The following ATXN1 variants were observed in gnomAD, a reference collection of about 807,000 sequenced individuals.
ATXN1 encodes ataxin-1.
ATXN1 carries 8 observed loss-of-function variants against 56.4 expected under a neutral mutation model. The observed-to-expected ratio is 0.14, with a 90% CI of 0.08 to 0.26. The LOEUF is 0.26. Ranked by LOEUF, ATXN1 falls within the 10% of genes least tolerant of loss-of-function variation. The pLI, the probability that ATXN1 is intolerant of heterozygous loss-of-function variation, is 1.00. For missense variants in ATXN1, 987 were observed against 1,106.5 expected, an observed-to-expected ratio of 0.89 and a Z score of 1.53; for synonymous variants, 514 against 494.6, an observed-to-expected ratio of 1.04 and a Z score of -0.52.
At chr6:16,545,651 G>C (rs557740831) in intron 4 of ATXN1, among the ~76,000 whole-genome samples, 1 of 152,190 alleles carries the variant, frequency 6.6e-6, no homozygotes, top group Non-Finnish European at 1.5e-5. Flanking sequence ...GCTAACAAGA[G>C]AACACTGGAA....
At chr6:16,574,771 C>T (rs1389281090) in intron 4 of ATXN1, among the ~76,000 whole-genome samples, 1 of 151,548 alleles carries the variant, frequency 6.6e-6, no homozygotes, top group Non-Finnish European at 1.5e-5. Flanking sequence ...CACGACTACT[C>T]AACAAACCGT....
chr6:16,301,901 T>A lies in ATXN1; in HGVS notation c.*4428A>T, dbSNP rs1034053223. 3.3e-5 allele frequency: 5 copies of A among 152,786 alleles called. No homozygotes were observed. Among genetic ancestry groups the A allele is most frequent in the African/African-American group, 1.2e-4 (5 of 41,462 alleles). 9.5% of individuals were successfully genotyped at this position (152,786 alleles called of 1,614,324 possible). ...TCTCTATGAAAGAAATAGGTTTCCTTAGTAGTCACAGATGTTAAAGGGTAT... is the reference window on the plus strand; with the variant it reads ...TCTCTATGAAAGAAATAGGTTTCCTAAGTAGTCACAGATGTTAAAGGGTAT... On this transcript the variant is annotated 3_prime_UTR_variant, in exon 8 of 8. Coordinates refer to ENST00000436367, the MANE Select transcript of ATXN1 (RefSeq NM_001128164.2).
At chr6:16,536,285 A>G (rs1761595514) in intron 4 of ATXN1, among the ~76,000 whole-genome samples, 1 of 152,212 alleles carries the variant, frequency 6.6e-6, no homozygotes, top group Non-Finnish European at 1.5e-5. Context: ...ACTAAAGCCA[A>G]TATTTTATTT....
At chr6:16,642,957 G>T (rs1763733090) in intron 3 of ATXN1, among the ~76,000 whole-genome samples, 1 of 152,132 alleles carries the variant, frequency 6.6e-6, no homozygotes, top group Non-Finnish European at 1.5e-5. Flanking sequence ...TACTGCTGTG[G>T]TCTATAAGTG....
At chr6:16,307,156 A>C (rs1224151324) in intron 7 of ATXN1, among the ~76,000 whole-genome samples, 1 of 152,238 alleles carries the variant, frequency 6.6e-6, no homozygotes, top group Non-Finnish European at 1.5e-5. Context: ...TGTTAGAACC[A>C]GTCAATCGAA....
At chr6:16,493,866 T>G (rs1023621828) in intron 5 of ATXN1, among the ~76,000 whole-genome samples, 3 of 152,190 alleles carry the variant, frequency 2.0e-5, no homozygotes, top group African/African-American at 7.2e-5. Context: ...CACAACAGCC[T>G]CTTTTTCCAA....
Position 16,347,935 on chromosome 6 carries a change from G to A in ATXN1, c.-160-19465C>T, listed in dbSNP as rs192446771. 5.6e-4 allele frequency among the ~76,000 whole-genome samples: 86 copies of A among 152,284 alleles called. 1 individual carries two copies. Among genetic ancestry groups the A allele is most frequent in the Admixed American group, 2.4e-3 (36 of 15,296 alleles). On this transcript the variant is annotated intron_variant, in intron 6 of 7. Transcript: ENST00000436367. ...GCTGTTCACTCTTTGGATCTATACT[G>A]CCTGTATGAGCTATAACACTCACCG...
At chr6:16,424,175 C>G (rs982746873) in intron 6 of ATXN1, among the ~76,000 whole-genome samples, 1 of 152,172 alleles carries the variant, frequency 6.6e-6, no homozygotes, top group Non-Finnish European at 1.5e-5. Context: ...CGGCCTGGAT[C>G]TGCCTTCTGA....
At chr6:16,365,433 C>A (rs1445165079) in intron 6 of ATXN1, among the ~76,000 whole-genome samples, 5 of 152,240 alleles carry the variant, frequency 3.3e-5, no homozygotes, top group Admixed American at 2.0e-4. Flanking sequence ...CCACATTGGC[C>A]TCCCAAAGTG....
chr6:16,519,573 C>T (rs1761247499), intron 5 of ATXN1, among the ~76,000 whole-genome samples: 1 of 152,206 alleles, frequency 6.6e-6, no homozygotes, highest in African/African-American at 2.4e-5. Context: ...AATGAGCACT[C>T]TGTTTCCCTG....
intron 6 of ATXN1, among the ~76,000 whole-genome samples, chr6:16,423,809 T>C (rs1759084946): frequency 6.6e-6 from 1 of 152,220 alleles, no homozygotes; most frequent in Admixed American, 6.5e-5. Context: ...TGCATACACA[T>C]GCAGGACTAT....
chr6:16,565,548 T>C (rs1047938368), intron 4 of ATXN1, among the ~76,000 whole-genome samples: 2 of 152,172 alleles, frequency 1.3e-5, no homozygotes, highest in African/African-American at 4.8e-5. Flanking sequence ...ATTTATTCAT[T>C]TGCAAAAATA....
At chr6:16,357,253 T>C (rs1761706038) in intron 6 of ATXN1, among the ~76,000 whole-genome samples, 1 of 142,516 alleles carries the variant, frequency 7.0e-6, no homozygotes, top group Admixed American at 7.0e-5. Context: ...TTTTATTTTA[T>C]TTTATTTATT....
chr6:16,536,900 T>C (rs916632506), intron 4 of ATXN1, among the ~76,000 whole-genome samples: 2 of 152,248 alleles, frequency 1.3e-5, no homozygotes, highest in African/African-American at 4.8e-5. Flanking sequence ...TGGTCAAAGA[T>C]ACATCATTAT....
At chr6:16,619,180 G>A (rs1036524245) in intron 3 of ATXN1, among the ~76,000 whole-genome samples, 2 of 151,574 alleles carry the variant, frequency 1.3e-5, no homozygotes, top group East Asian at 1.9e-4. Context: ...ACACATGAAC[G>A]TTCTTTGTCA....
intron 2 of ATXN1, among the ~76,000 whole-genome samples, chr6:16,700,405 C>T (rs1484855181): frequency 1.3e-5 from 2 of 152,146 alleles, no homozygotes; most frequent in African/African-American, 4.8e-5. Flanking sequence ...CTGCAACCCC[C>T]ACCAGCCGAC....
intron 6 of ATXN1, among the ~76,000 whole-genome samples, chr6:16,435,393 C>T (rs573031593): frequency 9.0e-4 from 137 of 151,974 alleles, no homozygotes; most frequent in Non-Finnish European, 7.4e-5. Flanking sequence ...AGAGACTAAG[C>T]CATGAGGAAC....
intron 2 of ATXN1, chr6:16,752,845 G>C (rs909277060): frequency 5.8e-6 from 1 of 172,630 alleles, no homozygotes; most frequent in African/African-American, 2.4e-5. Flanking sequence ...TCTCTGTTTT[G>C]CTACGCACAT....
chr6:16,545,692 A>AGGAGTTT (rs1761802709), intron 4 of ATXN1, among the ~76,000 whole-genome samples: 2 of 152,232 alleles, frequency 1.3e-5, no homozygotes, highest in African/African-American at 4.8e-5. Flanking sequence ...TAGGACCTAA[A>AGGAGTTT]GGAGTTTGCG....
Sources: allele counts gnomAD v4.1 joint callset (sites outside exome capture counted in the v4.1 genomes callset), GRCh38; gene constraint gnomAD v4.1.1; transcripts MANE v1.5; gene names NCBI Gene and HGNC (gene_info 2026-07-23, HGNC 2026-07-21).